Variants in MDGA1 observed in about 807,000 individuals in gnomAD.
The protein encoded by MDGA1 is MAM domain containing glycosylphosphatidylinositol anchor 1.
A neutral mutation model predicts 101.5 loss-of-function variants in MDGA1; 54 were observed. The ratio of observed to expected loss-of-function variants is 0.53; its 90% CI spans 0.43 to 0.67. The LOEUF (loss-of-function observed/expected upper bound fraction) is 0.67. Among genes scored for constraint, MDGA1 ranks in the 30% least tolerant of loss-of-function variants. The pLI is 0.00. For missense variants in MDGA1, 1,083 were observed against 1,323.8 expected, an observed-to-expected ratio of 0.82 and a Z score of 2.82; for synonymous variants, 533 against 558.3, an observed-to-expected ratio of 0.95 and a Z score of 0.64.
chr6:37,691,609 T>G (rs1432516649), intron 1 of MDGA1, among the ~76,000 whole-genome samples: 1 of 152,264 alleles, frequency 6.6e-6, no homozygotes, highest in African/African-American at 2.4e-5. Context: ...CACATGTTAC[T>G]CATAGTAGTT....
intron 3 of MDGA1, among the ~76,000 whole-genome samples, chr6:37,657,973 A>C (rs1340963653): frequency 6.6e-6 from 1 of 152,210 alleles, no homozygotes; most frequent in Non-Finnish European, 1.5e-5. Flanking sequence ...ATGGGACCTC[A>C]GTTTTCTCAT....
Position 37,696,733 on chromosome 6 carries a change from G to A in MDGA1, c.67+12C>T, listed in dbSNP as rs1022148601. Reference sequence around the variant, plus strand: ...AGGTTAAGCCAAGGTGGAGCGGGACGCGGGCTCTTACCGTAGACTCCTTGT... The same window carrying A: ...AGGTTAAGCCAAGGTGGAGCGGGACACGGGCTCTTACCGTAGACTCCTTGT... On this transcript the variant is annotated intron_variant, in intron 1 of 16. Coordinates refer to ENST00000434837, the MANE Select transcript of MDGA1 (RefSeq NM_153487.4). This position sits in a 1 kb window ranked among gnomAD's most constrained non-coding sequence, Gnocchi z 5.6. 4 of 1,572,766 alleles carry A rather than the reference G, an allele frequency of 2.5e-6. No individual in the cohort carries two copies. In the African/African-American group the frequency reaches 4.1e-5, roughly 16 times the overall value.
At position 37,650,289 on chromosome 6, in the gene MDGA1, G is replaced by A. The variant is rs1241149055; in HGVS notation, c.1429C>T (p.Arg477Cys). ...GKPRPPVLWS[R>C]VDKEAALLPS... The stretch of plus-strand genomic sequence containing the variant: ...AGCAGTGCAGCCTCCTTGTCCACGC[G>A]GGACCAGAGCACTGGCGGCCGCGGC... Residue 477 changes from arginine (R) to cysteine (C), a missense_variant, in exon 8 of 17, where the codon CGC becomes TGC. Physicochemically the swap from Arg to Cys is radical, Grantham distance 180. Transcript: ENST00000434837. The A allele has an allele frequency of 4.4e-6, 7 of 1,604,816 alleles. No individual in the cohort carries two copies. The highest frequency in any genetic ancestry group is 5.9e-6 in the Non-Finnish European group (7 of 1,177,444).
rs1363425702 is a variant in MDGA1 at position 37,696,332 on chromosome 6, C to T, written c.67+413G>A. On this transcript the variant is annotated intron_variant, in intron 1 of 16. Coordinates refer to ENST00000434837, the MANE Select transcript of MDGA1 (RefSeq NM_153487.4). This position sits in a 1 kb window ranked among gnomAD's most constrained non-coding sequence, Gnocchi z 5.6. ...CCTTGGTGCTGACAGCCGGCTCGCC[C>T]GCAAGCCGCGCGGCAACTCCGGCTC... is the stretch of plus-strand genomic sequence containing the variant. Among the ~76,000 whole-genome samples, 1 of 152,150 alleles carries T rather than the reference C, an allele frequency of 6.6e-6. No individual in the cohort carries two copies. The highest frequency in any genetic ancestry group is 2.4e-5 in the African/African-American group (1 of 41,432).
intron 2 of MDGA1, among the ~76,000 whole-genome samples, chr6:37,663,318 T>C (rs1761669136): frequency 6.6e-6 from 1 of 152,184 alleles, no homozygotes; most frequent in Non-Finnish European, 1.5e-5. Context: ...TTGCTTTGGA[T>C]CTTTGAACCT....
chr6:37,647,268 T>A lies in MDGA1; in HGVS notation c.1951A>T (p.Lys651Ter). 1 of 1,565,234 alleles carries A rather than the reference T, an allele frequency of 6.4e-7. No individual in the cohort carries two copies. The highest frequency in any genetic ancestry group is 8.7e-7 in the Non-Finnish European group (1 of 1,155,112). The change falls in exon 10 of 17, where the codon AAG (lysine) becomes TAG (stop). Residue 651 changes from lysine to a stop codon, truncating the protein, a stop_gained. Coordinates refer to ENST00000434837, the MANE Select transcript of MDGA1 (RefSeq NM_153487.4). LOFTEE classifies it high-confidence loss of function. ...FDTPNPTRSHKLSKNYSYVLQ... is the reference protein window; with the variant it reads ...FDTPNPTRSH ...ACGTAGGAGTAGTTCTTGGACAGCT[T>A]GTGGCTGCGGGTGGGGTTGGGGGTG...
chr6:37,637,722 TC>T (rs779551691), intron 16 of MDGA1, among the ~76,000 whole-genome samples: 5 of 152,188 alleles, frequency 3.3e-5, no homozygotes, highest in Non-Finnish European at 7.3e-5. Flanking sequence ...CTCAGTTTCC[TC>T]ATCTGTAAAA....
intron 1 of MDGA1, among the ~76,000 whole-genome samples, chr6:37,686,933 G>A (rs1379824512): frequency 6.6e-6 from 1 of 152,098 alleles, no homozygotes. Context: ...CTGCTCCCTT[G>A]GGCCAACCCA....
At chr6:37,691,085 T>A (rs941616151) in intron 1 of MDGA1, among the ~76,000 whole-genome samples, 5 of 152,182 alleles carry the variant, frequency 3.3e-5, no homozygotes, top group African/African-American at 1.2e-4. Context: ...ACCTTACATG[T>A]GATTCCCCTT....
intron 10 of MDGA1, 138 bp downstream of exon 10, chr6:37,647,035 C>T: frequency 2.7e-6 from 2 of 748,208 alleles, no homozygotes; most frequent in Non-Finnish European, 2.2e-6. Context: ...TTTCTCCCTG[C>T]CCCTGAAGAA....
Position 37,644,405 on chromosome 6 carries a change from G to A in MDGA1, c.2401+92C>T, listed in dbSNP as rs1387937492. 3.1e-6 allele frequency: 4 copies of A among 1,304,292 alleles called. No homozygotes were observed. The East Asian group carries it at 8.3e-5, about 27-fold the overall frequency. The allele number at this position is 1,304,292 out of a possible 1,614,324, so 80.8% of individuals were successfully genotyped here. ...AGGGCTGCGTCTCCCTCAGACTGGA[G>A]CCGTCTCCCTTCATCCCCAGTCTGG... On this transcript the variant is annotated intron_variant, in intron 13 of 16. Coordinates refer to ENST00000434837, the MANE Select transcript of MDGA1 (RefSeq NM_153487.4).
Position 37,655,989 on chromosome 6 carries a change from C to T in MDGA1, c.383-93G>A. 1 of 1,073,058 alleles carries T rather than the reference C, an allele frequency of 9.3e-7. No homozygotes were observed. Among genetic ancestry groups the T allele is most frequent in the South Asian group, 1.7e-5 (1 of 59,936 alleles). The allele number at this position is 1,073,058 out of a possible 1,614,324, so 66.5% of individuals were successfully genotyped here. ...GCAGCCCTTAGGAAGAGCTGAGCCA[C>T]CCTCAACAGACATTTCCAGATTGCC... On this transcript the variant is annotated intron_variant, in intron 3 of 16. Coordinates refer to ENST00000434837, the MANE Select transcript of MDGA1 (RefSeq NM_153487.4). The surrounding 1 kb of genome is among the most constrained non-coding windows in gnomAD (Gnocchi z 5.1).
At chr6:37,647,129 C>A (rs1761222191) in intron 10 of MDGA1, 44 bp downstream of exon 10, 2 of 1,544,764 alleles carry the variant, frequency 1.3e-6, no homozygotes, top group Non-Finnish European at 1.8e-6. Context: ...GTCAGCCACA[C>A]CACACTCCAC....
At chr6:37,645,851 T>C in intron 12 of MDGA1, 82 bp downstream of exon 12, 2 of 1,486,202 alleles carry the variant, frequency 1.3e-6, no homozygotes, top group Non-Finnish European at 1.9e-6. Context: ...ATCTCAAGGA[T>C]AGCCTATCTC....
chr6:37,679,276 G>C (rs1289654182), intron 1 of MDGA1, among the ~76,000 whole-genome samples: 1 of 152,122 alleles, frequency 6.6e-6, no homozygotes, highest in African/African-American at 2.4e-5. Context: ...AGGACAACTG[G>C]ACCAGAGTTC....
At position 37,678,474 on chromosome 6, in the gene MDGA1, T is replaced by A. The variant is rs562507185; in HGVS notation, c.68-14368A>T. ...CTCCACCAGCAGGCAGAGGATCTCA[T>A]CTCTCCTCTGCTCTCCCTGTCATGA... On this transcript the variant is annotated intron_variant, in intron 1 of 16. Transcript: ENST00000434837. Among the ~76,000 whole-genome samples, 9 of 152,134 alleles carry A rather than the reference T, an allele frequency of 5.9e-5. No individual in the cohort carries two copies. The East Asian group carries it at 1.5e-3, about 26-fold the overall frequency.
intron 13 of MDGA1, 39 bp from the exon 14 acceptor site, chr6:37,643,982 C>T: frequency 6.2e-7 from 1 of 1,609,128 alleles, no homozygotes; most frequent in Non-Finnish European, 8.5e-7. Flanking sequence ...GCCCCCAAGA[C>T]AGCCAGGCCT....
intron 8 of MDGA1, 106 bp from the exon 9 acceptor site, chr6:37,649,372 C>G (rs1761303519): frequency 1.4e-6 from 2 of 1,387,268 alleles, no homozygotes; most frequent in South Asian, 3.2e-5. Flanking sequence ...TGAGCCCCCG[C>G]CAGGAAAAAT....
In MDGA1 at chr6:37,646,267, C is replaced by A. The variant is rs1761191929; in HGVS notation, c.2155G>T (p.Val719Phe). Residue 719 changes from valine (V) to phenylalanine (F), a missense_variant, in exon 11 of 17, where the codon GTC becomes TTC. Physicochemically the swap from Val to Phe is conservative, Grantham distance 50 (BLOSUM62 -1). Transcript: ENST00000434837. ...TDLRVPHSYEVRLTPYTTFGA... is the reference protein window; with the variant it reads ...TDLRVPHSYEFRLTPYTTFGA... ...AAGGTGGTATAGGGTGTGAGGCGGA[C>A]CTCATAGCTGTGGGGCACACGGAGA... 1 of 1,606,264 alleles carries A rather than the reference C, an allele frequency of 6.2e-7. No individual in the cohort carries two copies. Among genetic ancestry groups the A allele is most frequent in the African/African-American group, 1.3e-5 (1 of 74,804 alleles).
Sources: gnomAD v4.1 joint callset for allele counts (sites outside exome capture counted in the v4.1 genomes callset) on GRCh38, gnomAD v4.1.1 for gene constraint, Gnocchi (gnomAD v3.1) non-coding constraint, MANE v1.5 for transcripts, NCBI Gene and HGNC (gene_info 2026-07-23, HGNC 2026-07-21) for gene names.